ASIC2: variants seen among roughly 807,000 people sequenced by gnomAD.
ASIC2 encodes the protein acid-sensing ion channel 2.
Under a neutral mutation model 57.3 loss-of-function variants are expected in ASIC2, and 25 were observed. The observed-to-expected ratio is 0.44, with a 90% confidence interval of 0.32 to 0.61. The LOEUF (loss-of-function observed/expected upper bound fraction) is 0.61. Among genes scored for constraint, ASIC2 ranks in the 20% least tolerant of loss-of-function variants. The pLI, the probability that ASIC2 is intolerant of heterozygous loss-of-function variation, is 0.06. For synonymous variants in ASIC2, 319 were observed against 307.5 expected, an observed-to-expected ratio of 1.04 and a Z score of -0.39; for missense variants, 641 against 738.1, an observed-to-expected ratio of 0.87 and a Z score of 1.52.
chr17:34,073,916 A>G (rs1909522648), intron 1 of ASIC2, among the ~76,000 whole-genome samples: 1 of 152,164 alleles, frequency 6.6e-6, no homozygotes, highest in South Asian at 2.1e-4. Context: ...CCTGGGCTGA[A>G]GAACAGGCCT....
intron 1 of ASIC2, among the ~76,000 whole-genome samples, chr17:34,034,595 T>C (rs1452845494): frequency 3.3e-5 from 5 of 152,184 alleles, no homozygotes; most frequent in African/African-American, 7.2e-5. Flanking sequence ...GATGACATGA[T>C]TGTATATCTA....
At chr17:33,533,514 C>T (rs1345891330) in intron 1 of ASIC2, 2 of 152,124 alleles carry the variant, frequency 1.3e-5, no homozygotes, top group Non-Finnish European at 2.9e-5. Flanking sequence ...TCTTCTCTAT[C>T]TATTAAAAGA....
intron 1 of ASIC2, among the ~76,000 whole-genome samples, chr17:33,390,067 C>G (rs1461158886): frequency 6.6e-6 from 1 of 152,000 alleles, no homozygotes; most frequent in Non-Finnish European, 1.5e-5. Flanking sequence ...AATTCCAGTA[C>G]TTTGGGAGGC....
chr17:33,172,267 A>G (rs1905550632), intron 1 of ASIC2, among the ~76,000 whole-genome samples: 1 of 152,238 alleles, frequency 6.6e-6, no homozygotes, highest in Non-Finnish European at 1.5e-5. Context: ...TGCATTTAAA[A>G]TTCAGGCTTC....
chr17:33,299,758 C>T (rs896888437), intron 1 of ASIC2, among the ~76,000 whole-genome samples: 1 of 152,278 alleles, frequency 6.6e-6, no homozygotes. Flanking sequence ...GGACCAGGTC[C>T]AGAGTAAAAG....
At chr17:33,623,221 A>C (rs1254795975) in intron 1 of ASIC2, among the ~76,000 whole-genome samples, 7 of 129,622 alleles carry the variant, frequency 5.4e-5, no homozygotes, top group Admixed American at 1.5e-4. Flanking sequence ...CATCCAGGAT[A>C]CCTCTTGTGA....
intron 1 of ASIC2, among the ~76,000 whole-genome samples, chr17:34,000,314 C>T (rs546865912): frequency 1.1e-3 from 154 of 141,488 alleles, no homozygotes; most frequent in African/African-American, 3.8e-3. Flanking sequence ...TGCAATGGTG[C>T]GATCTCGGCT....
intron 5 of ASIC2, among the ~76,000 whole-genome samples, chr17:33,024,389 AC>A (rs1327618333): frequency 1.3e-5 from 2 of 151,924 alleles, no homozygotes; most frequent in African/African-American, 4.8e-5. Flanking sequence ...TTTATCTGAA[AC>A]CCAGGGCTCT....
intron 1 of ASIC2, among the ~76,000 whole-genome samples, chr17:33,343,725 CT>C (rs1907828694): frequency 6.6e-6 from 1 of 152,216 alleles, no homozygotes; most frequent in Non-Finnish European, 1.5e-5. Flanking sequence ...TCTGTGTTCA[CT>C]TCCACTCCAT....
chr17:33,886,561 T>G (rs1914834256), intron 1 of ASIC2, among the ~76,000 whole-genome samples: 1 of 152,082 alleles, frequency 6.6e-6, no homozygotes. Context: ...TAGTTTCAGT[T>G]GTACAGGCAA....
intron 1 of ASIC2, among the ~76,000 whole-genome samples, chr17:33,721,889 G>T (rs149999438): frequency 1.3e-5 from 2 of 152,196 alleles, no homozygotes; most frequent in African/African-American, 4.8e-5. Flanking sequence ...CAGTGTGGCT[G>T]GGTCAAAGTG....
At chr17:33,874,544 G>T (rs1356909612) in intron 1 of ASIC2, among the ~76,000 whole-genome samples, 1 of 152,224 alleles carries the variant, frequency 6.6e-6, no homozygotes, top group African/African-American at 2.4e-5. Context: ...CCCCAGTTCT[G>T]ATAATGGCTT....
intron 1 of ASIC2, among the ~76,000 whole-genome samples, chr17:33,524,251 A>G (rs192106460): frequency 5.6e-4 from 85 of 152,302 alleles, no homozygotes; most frequent in Non-Finnish European, 1.0e-4. Flanking sequence ...TTCCTTATAT[A>G]GAGACACTGT....
At chr17:33,694,434 C>T (rs565258969) in intron 1 of ASIC2, among the ~76,000 whole-genome samples, 10 of 152,300 alleles carry the variant, frequency 6.6e-5, no homozygotes, top group African/African-American at 1.4e-4. Flanking sequence ...TCAGGCTGAA[C>T]TTCTTGTGAT....
At chr17:33,557,206 T>TACTAGGTAA (rs774961295) in intron 1 of ASIC2, among the ~76,000 whole-genome samples, 1 of 152,082 alleles carries the variant, frequency 6.6e-6, no homozygotes, top group African/African-American at 2.4e-5. Flanking sequence ...ATTTTACAAA[T>TACTAGGTAA]GTTAAGTAAC....
intron 1 of ASIC2, among the ~76,000 whole-genome samples, chr17:33,937,639 C>A (rs1432747969): frequency 6.6e-6 from 1 of 152,162 alleles, no homozygotes; most frequent in African/African-American, 2.4e-5. Flanking sequence ...CTATCACAAA[C>A]TTTCCTATGT....
At chr17:33,827,662 T>G (rs1056880006) in intron 1 of ASIC2, 1 of 152,048 alleles carries the variant, frequency 6.6e-6, no homozygotes, top group Non-Finnish European at 1.5e-5. Context: ...CTCTTATTTA[T>G]GAAGGAAGGA....
At chr17:33,577,227 G>T (rs545443225) in intron 1 of ASIC2, among the ~76,000 whole-genome samples, 19 of 152,240 alleles carry the variant, frequency 1.2e-4, no homozygotes, top group African/African-American at 4.3e-4. Context: ...CTGCAAGGGA[G>T]GGTCATTTTA....
chr17:33,604,453 C>A (rs1597804564), intron 1 of ASIC2, among the ~76,000 whole-genome samples: 1 of 152,102 alleles, frequency 6.6e-6, no homozygotes, highest in Non-Finnish European at 1.5e-5. Context: ...CTGGAAACTC[C>A]CTTACCATTC....
Sources: gnomAD v4.1 joint callset for allele counts (sites outside exome capture counted in the v4.1 genomes callset) on GRCh38, gnomAD v4.1.1 for gene constraint, MANE v1.5 for transcripts, NCBI Gene and HGNC (gene_info 2026-07-23, HGNC 2026-07-21) for gene names.